Variants in IFT81 observed in about 807,000 individuals in gnomAD.
IFT81 encodes intraflagellar transport 81, also known as intraflagellar transport protein 81 homolog.
A neutral mutation model predicts 102.6 loss-of-function variants in IFT81; 72 were observed. That is an observed-to-expected ratio of 0.70 (90% CI 0.58 to 0.85). The LOEUF is 0.85. IFT81 is among the 40% of genes least tolerant of loss of function. IFT81 has a pLI of 0.00. For synonymous variants in IFT81, 237 were observed against 242.7 expected, an observed-to-expected ratio of 0.98 and a Z score of 0.22; for missense variants, 723 against 787.3, an observed-to-expected ratio of 0.92 and a Z score of 0.98.
intron 14 of IFT81, among the ~76,000 whole-genome samples, chr12:110,195,558 T>C (rs1897964015): frequency 6.6e-6 from 1 of 152,206 alleles, no homozygotes; most frequent in Admixed American, 6.5e-5. Context: ...TTTCCCTTTC[T>C]TCTTCCTGAA....
At chr12:110,179,400 A>G (rs1897186446) in intron 11 of IFT81, among the ~76,000 whole-genome samples, 3 of 152,034 alleles carry the variant, frequency 2.0e-5, no homozygotes, top group African/African-American at 7.2e-5. Flanking sequence ...TGTAAAGTCT[A>G]AAATGAATAG....
At chr12:110,179,767 T>TACACACAC (rs1201027708) in intron 11 of IFT81, among the ~76,000 whole-genome samples, 6 of 66,812 alleles carry the variant, frequency 9.0e-5, no homozygotes, top group African/African-American at 6.0e-5. Flanking sequence ...TATATATATA[T>TACACACAC]ATATATACAC....
intron 11 of IFT81, among the ~76,000 whole-genome samples, chr12:110,172,406 C>T (rs942425210): frequency 1.3e-5 from 2 of 151,970 alleles, no homozygotes; most frequent in African/African-American, 4.8e-5. Flanking sequence ...CTCCCTCTCC[C>T]TCTCTTTCCA....
At chr12:110,211,846 G>C (rs1869490855) in intron 18 of IFT81, among the ~76,000 whole-genome samples, 1 of 151,868 alleles carries the variant, frequency 6.6e-6, no homozygotes. Context: ...TCATAGGTAG[G>C]GGTTGTTTAG....
In IFT81 at chr12:110,148,620, G is replaced by C. The variant is rs537436381; in HGVS notation, c.1041+1572G>C. 4.6e-5 allele frequency among the ~76,000 whole-genome samples: 7 copies of C among 151,970 alleles called. No individual in the cohort carries two copies. In the South Asian group the frequency reaches 1.2e-3, roughly 27 times the overall value. On this transcript the variant is annotated intron_variant, in intron 10 of 18. Coordinates refer to ENST00000242591, the MANE Select transcript of IFT81 (RefSeq NM_014055.4). ...CTCCTGAGTAGCTGGGATTACAGGTGCCCACCACCATGCCTGGCTAATTTT... is the reference window on the plus strand; with the variant it reads ...CTCCTGAGTAGCTGGGATTACAGGTCCCCACCACCATGCCTGGCTAATTTT...
intron 13 of IFT81, among the ~76,000 whole-genome samples, chr12:110,192,128 A>G (rs1356319770): frequency 6.6e-6 from 1 of 151,130 alleles, no homozygotes. Context: ...CTGAGATCAC[A>G]CCATTGCACT....
intron 14 of IFT81, among the ~76,000 whole-genome samples, chr12:110,195,445 AT>A (rs1304043427): frequency 3.3e-5 from 5 of 152,116 alleles, no homozygotes. Flanking sequence ...CACTTATAGT[AT>A]GACTTGTTAG....
chr12:110,171,217 C>T (rs1593330299), intron 11 of IFT81, among the ~76,000 whole-genome samples: 1 of 151,306 alleles, frequency 6.6e-6, no homozygotes, highest in African/African-American at 2.4e-5. Context: ...TGCATGCAGT[C>T]TAGGTAATGC....
At chr12:110,207,843 C>CATTTTGTTAAGGAT (rs1160389117) in intron 17 of IFT81, among the ~76,000 whole-genome samples, 4 of 152,122 alleles carry the variant, frequency 2.6e-5, no homozygotes, top group Admixed American at 6.6e-5. Context: ...TTATCCTTAA[C>CATTTTGTTAAGGAT]ATGTCACCTG....
Position 110,127,533 on chromosome 12 carries a change from T to C in IFT81, c.144+9T>C, listed in dbSNP as rs749243481. On this transcript the variant is annotated intron_variant, in intron 2 of 18. Transcript: ENST00000242591. ...CTGAGATTGACCCAAAGGTAAGAGT[T>C]TTCTCTTTCTTTTTGATGGGTAGCA... 1.9e-6 allele frequency: 3 copies of C among 1,578,548 alleles called. No individual in the cohort carries two copies. Among genetic ancestry groups the C allele is most frequent in the Non-Finnish European group, 2.6e-6 (3 of 1,168,262 alleles).
At chr12:110,202,731 C>T (rs1200450463) in intron 14 of IFT81, among the ~76,000 whole-genome samples, 7 of 152,038 alleles carry the variant, frequency 4.6e-5, no homozygotes, top group East Asian at 1.9e-4. Flanking sequence ...CAATTACAGG[C>T]GTGAGCCACC....
intron 6 of IFT81, 26 bp downstream of exon 6, chr12:110,135,039 C>T: frequency 1.3e-6 from 2 of 1,550,256 alleles, no homozygotes; most frequent in African/African-American, 2.8e-5. Flanking sequence ...TACTGTAAGA[C>T]TTTGGCCCCA....
chr12:110,215,946 G>A (rs1185486258), intron 18 of IFT81, among the ~76,000 whole-genome samples: 3 of 151,208 alleles, frequency 2.0e-5, no homozygotes, highest in Non-Finnish European at 2.9e-5. Context: ...TACTATTTTC[G>A]TAATCACTGG....
intron 10 of IFT81, among the ~76,000 whole-genome samples, chr12:110,160,605 G>A (rs1896081753): frequency 1.3e-5 from 2 of 152,156 alleles, no homozygotes; most frequent in South Asian, 4.1e-4. Flanking sequence ...TCAAATGTCA[G>A]TCTCCTCTGG....
chr12:110,198,226 G>T (rs1898100875), intron 14 of IFT81, among the ~76,000 whole-genome samples: 1 of 149,830 alleles, frequency 6.7e-6, no homozygotes, highest in South Asian at 2.1e-4. Flanking sequence ...GTATGTGTGT[G>T]TTTAGTGTTC....
At chr12:110,207,927 T>A (rs1166760012) in intron 17 of IFT81, among the ~76,000 whole-genome samples, 1 of 152,210 alleles carries the variant, frequency 6.6e-6, no homozygotes, top group Non-Finnish European at 1.5e-5. Context: ...AATGTTATTA[T>A]GTTTTTAATT....
chr12:110,168,517 C>T, intron 11 of IFT81: 2 of 864,566 alleles, frequency 2.3e-6, no homozygotes. Context: ...GATTATACTA[C>T]ATTAATTTTT....
At chr12:110,136,972 A>G in intron 8 of IFT81, 112 bp downstream of exon 8, 1 of 584,320 alleles carries the variant, frequency 1.7e-6, no homozygotes. Flanking sequence ...ATGTCTCAGC[A>G]TTTTGGAACA....
intron 18 of IFT81, among the ~76,000 whole-genome samples, chr12:110,209,703 AG>A (rs1360192969): frequency 6.6e-6 from 1 of 150,750 alleles, no homozygotes; most frequent in African/African-American, 2.4e-5. Context: ...AGGGAGGCAA[AG>A]GTTGCAGTGA....
Sources: allele counts gnomAD v4.1 joint callset (sites outside exome capture counted in the v4.1 genomes callset), GRCh38; gene constraint gnomAD v4.1.1; transcripts MANE v1.5; gene names NCBI Gene and HGNC (gene_info 2026-07-23, HGNC 2026-07-21).